The following LHFPL3 variants were observed in gnomAD, a reference collection of about 807,000 sequenced individuals.
LHFPL3 encodes LHFPL tetraspan subfamily member 3.
Under a neutral mutation model 19.3 loss-of-function variants are expected in LHFPL3, and 5 were observed. The observed-to-expected ratio is 0.26, with a 90% CI of 0.14 to 0.54. The LOEUF is 0.54. LHFPL3 is among the 20% of genes least tolerant of loss of function. LHFPL3 has a pLI of 0.94. For synonymous variants in LHFPL3, 133 were observed against 126.2 expected, an observed-to-expected ratio of 1.05 and a Z score of -0.36; for missense variants, 249 against 307.4, an observed-to-expected ratio of 0.81 and a Z score of 1.42.
intron 1 of LHFPL3, among the ~76,000 whole-genome samples, chr7:104,572,629 T>G (rs1177114857): frequency 6.6e-6 from 1 of 152,194 alleles, no homozygotes; most frequent in African/African-American, 2.4e-5. Context: ...TGCTTGATGA[T>G]TTTGGAAAAG....
intron 1 of LHFPL3, among the ~76,000 whole-genome samples, chr7:104,531,178 T>G (rs1297319603): frequency 4.6e-5 from 7 of 152,132 alleles, no homozygotes; most frequent in Non-Finnish European, 8.8e-5. Flanking sequence ...TCATTTGATT[T>G]TATTTCTATC....
rs144184104 is a variant in LHFPL3 at position 104,340,350 on chromosome 7, C to T, written c.445+11126C>T. Among the ~76,000 whole-genome samples, 701 of 152,110 alleles carry T rather than the reference C, an allele frequency of 4.6e-3. 3 individuals are homozygous for T. The highest frequency in any genetic ancestry group is 0.016 in the African/African-American group (671 of 41,510). The stretch of plus-strand genomic sequence containing the variant: ...AGAAAATAAAGAAAAACTAGAAAGA[C>T]GAGTAGGCATCTAAAGTTAAGTTTT... On this transcript the variant is annotated intron_variant, in intron 1 of 2. Transcript: ENST00000424859.
intron 1 of LHFPL3, among the ~76,000 whole-genome samples, chr7:104,611,739 G>A (rs544909825): frequency 1.3e-5 from 2 of 152,088 alleles, no homozygotes; most frequent in Admixed American, 1.3e-4. Flanking sequence ...ACTAAAAAAG[G>A]GGGGGAGGAA....
intron 2 of LHFPL3, among the ~76,000 whole-genome samples, chr7:104,844,401 T>C (rs1342627264): frequency 1.3e-5 from 2 of 152,252 alleles, no homozygotes; most frequent in East Asian, 1.9e-4. Context: ...GTGTGTACAA[T>C]TGATTTTTAC....
At chr7:104,593,771 T>C (rs184316463) in intron 1 of LHFPL3, among the ~76,000 whole-genome samples, 65 of 152,344 alleles carry the variant, frequency 4.3e-4, no homozygotes, top group African/African-American at 1.5e-3. Context: ...TCTTGTTGAA[T>C]TGATCCCTTT....
intron 1 of LHFPL3, among the ~76,000 whole-genome samples, chr7:104,589,086 A>G (rs1177781645): frequency 7.9e-5 from 12 of 152,060 alleles, no homozygotes; most frequent in Non-Finnish European, 1.3e-4. Flanking sequence ...CTCTTTTCCT[A>G]ATTGAATACC....
At chr7:104,335,856 G>GAA (rs11399914) in intron 1 of LHFPL3, among the ~76,000 whole-genome samples, 37,363 of 134,510 alleles carry the variant, frequency 0.28, 5,151 homozygotes, top group East Asian at 0.43. Flanking sequence ...GGAGTAAAAT[G>GAA]AAAAAAAAAA....
intron 1 of LHFPL3, among the ~76,000 whole-genome samples, chr7:104,726,834 T>A (rs150458006): frequency 6.6e-6 from 1 of 152,206 alleles, no homozygotes. Context: ...TTATATTCCT[T>A]TGGGTATATA....
At chr7:104,858,105 A>G (rs1235876881) in intron 2 of LHFPL3, among the ~76,000 whole-genome samples, 2 of 152,166 alleles carry the variant, frequency 1.3e-5, no homozygotes, top group African/African-American at 4.8e-5. Context: ...GTGTTTCAGG[A>G]CTGTTGGAGG....
chr7:104,477,745 A>G (rs533623332), intron 1 of LHFPL3, among the ~76,000 whole-genome samples: 1 of 22,682 alleles, frequency 4.4e-5, no homozygotes, highest in Non-Finnish European at 9.1e-5. Context: ...CTCTGAACTT[A>G]AAATAAGTTA....
chr7:104,808,216 C>T (rs1790402935), intron 2 of LHFPL3, among the ~76,000 whole-genome samples: 1 of 152,214 alleles, frequency 6.6e-6, no homozygotes, highest in African/African-American at 2.4e-5. Flanking sequence ...TTTTAAATGG[C>T]ACCATTTATC....
rs118187203 is a variant in LHFPL3, at chr7:104,331,016, T to C, written c.445+1792T>C. On this transcript the variant is annotated intron_variant, in intron 1 of 2. Transcript: ENST00000424859. ...GGTCTGAAAATACTTTGCAGGTGCT[T>C]TCTCAACAACGTATTCTTCAATGTT... Among the ~76,000 whole-genome samples the C allele has an allele frequency of 6.2e-3, 948 of 152,352 alleles. 7 individuals are homozygous for C. The highest frequency in any genetic ancestry group is 0.017 in the Middle Eastern group (5 of 294).
At chr7:104,759,739 A>G (rs1480090061) in intron 2 of LHFPL3, 1 of 152,222 alleles carries the variant, frequency 6.6e-6, no homozygotes, top group Admixed American at 6.5e-5. Context: ...GCTTCAGGGA[A>G]GGGAAGAGGA....
At chr7:104,603,064 CTT>C (rs746688179) in intron 1 of LHFPL3, among the ~76,000 whole-genome samples, 15,163 of 127,026 alleles carry the variant, frequency 0.12, 1,114 homozygotes, top group East Asian at 0.33. Flanking sequence ...TTCTTTCTTT[CTT>C]TTTCTTTCTT....
intron 1 of LHFPL3, among the ~76,000 whole-genome samples, chr7:104,585,461 G>A (rs939277748): frequency 4.7e-5 from 4 of 84,816 alleles, no homozygotes; most frequent in Admixed American, 1.3e-4. Context: ...GTGGAAAGTG[G>A]AATAAGGCAA....
At chr7:104,734,064 GCT>G (rs1793755107) in intron 1 of LHFPL3, among the ~76,000 whole-genome samples, 18 of 152,158 alleles carry the variant, frequency 1.2e-4, no homozygotes, top group Non-Finnish European at 2.9e-5. Flanking sequence ...CTCTCTTCTG[GCT>G]TGTAGAGTTT....
chr7:104,624,130 C>T (rs577786541), intron 1 of LHFPL3, among the ~76,000 whole-genome samples: 19 of 152,266 alleles, frequency 1.2e-4, no homozygotes, highest in African/African-American at 3.8e-4. Context: ...GAGGGTTTTT[C>T]AGGCATTCAG....
At chr7:104,565,645 C>T (rs931030562) in intron 1 of LHFPL3, among the ~76,000 whole-genome samples, 2 of 151,964 alleles carry the variant, frequency 1.3e-5, no homozygotes, top group Non-Finnish European at 2.9e-5. Flanking sequence ...CAAATGCATG[C>T]ACTTCATCTT....
chr7:104,873,154 A>G (rs1174435845), intron 2 of LHFPL3, among the ~76,000 whole-genome samples: 1 of 152,250 alleles, frequency 6.6e-6, no homozygotes, highest in Non-Finnish European at 1.5e-5. Context: ...TGACTGTACT[A>G]GACAAGAGTA....
Sources: gnomAD v4.1 joint callset for allele counts (sites outside exome capture counted in the v4.1 genomes callset) on GRCh38, gnomAD v4.1.1 for gene constraint, MANE v1.5 for transcripts, NCBI Gene and HGNC (gene_info 2026-07-23, HGNC 2026-07-21) for gene names.